The following GSDME variants were observed in gnomAD, a reference collection of about 807,000 sequenced individuals.
GSDME encodes gasdermin-E.
A neutral mutation model predicts 47.5 loss-of-function variants in GSDME; 44 were observed. That is an observed-to-expected ratio of 0.93 (90% confidence interval 0.73 to 1.19). The LOEUF (loss-of-function observed/expected upper bound fraction) is 1.19. GSDME is among the 50% of genes most tolerant of loss of function. GSDME has a pLI of 0.00. For missense variants in GSDME, 663 were observed against 604.2 expected, an observed-to-expected ratio of 1.10 and a Z score of -1.02; for synonymous variants, 258 against 252.8, an observed-to-expected ratio of 1.02 and a Z score of -0.20.
rs368383462 is a variant in GSDME, at chr7:24,736,242, A to C, written c.404+8320T>G. ...TACACTGGCTAAATGGATTAAAAAC[A>C]ACAAAAAAAGACCAAATGATCTGTT... On this transcript the variant is annotated intron_variant, in intron 3 of 9. Coordinates refer to ENST00000645220, the MANE Select transcript of GSDME (RefSeq NM_001127453.2). This position sits in a 1 kb window ranked among gnomAD's most constrained non-coding sequence, Gnocchi z 4.6. Among the ~76,000 whole-genome samples the C allele has an allele frequency of 1.3e-5, 2 of 152,180 alleles. No individual in the cohort carries two copies. Among genetic ancestry groups the C allele is most frequent in the Non-Finnish European group, 2.9e-5 (2 of 68,034 alleles).
chr7:24,733,439 A>AG lies in GSDME; in HGVS notation c.404+11122dup, dbSNP rs1359016666. On this transcript the variant is annotated intron_variant, in intron 3 of 9. Coordinates refer to ENST00000645220, the MANE Select transcript of GSDME (RefSeq NM_001127453.2). This position sits in a 1 kb window ranked among gnomAD's most constrained non-coding sequence, Gnocchi z 4.3. ...GACTTTGTCTTGCAGCTTGGGTACC[A>AG]GCTAAGCACAGTGGGGTAGAGCACC... Among the ~76,000 whole-genome samples the AG allele has an allele frequency of 2.6e-5, 4 of 152,182 alleles. No homozygotes were observed. The highest frequency in any genetic ancestry group is 4.4e-5 in the Non-Finnish European group (3 of 68,026).
Position 24,735,489 on chromosome 7 carries a change from G to A in GSDME, c.404+9073C>T, listed in dbSNP as rs972771800. 9.9e-5 allele frequency among the ~76,000 whole-genome samples: 15 copies of A among 152,164 alleles called. No individual in the cohort carries two copies. The highest frequency in any genetic ancestry group is 2.2e-4 in the Non-Finnish European group (15 of 68,034). On this transcript the variant is annotated intron_variant, in intron 3 of 9. Coordinates refer to ENST00000645220, the MANE Select transcript of GSDME (RefSeq NM_001127453.2). This position sits in a 1 kb window ranked among gnomAD's most constrained non-coding sequence, Gnocchi z 4.4. ...AGTAACTACAGGGCCGGGCACAGTG[G>A]CTCACGCCTGTAATCCCAGCAGTTT...
chr7:24,754,867 C>G lies in GSDME; in HGVS notation c.-20+2529G>C, dbSNP rs1280219100. Among the ~76,000 whole-genome samples, 2 of 152,188 alleles carry G rather than the reference C, an allele frequency of 1.3e-5. No homozygotes were observed. Among genetic ancestry groups the G allele is most frequent in the African/African-American group, 4.8e-5 (2 of 41,430 alleles). ...TTCAGGATTCTTCTTAAAAGCAGCT[C>G]TGGTTGAACCCTGGGCCTCTGCCTG... On this transcript the variant is annotated intron_variant, in intron 1 of 9. Transcript: ENST00000645220. This position sits in a 1 kb window ranked among gnomAD's most constrained non-coding sequence, Gnocchi z 5.0.
the GSDME span, among the ~76,000 whole-genome samples, chr7:24,774,552 A>G: frequency 6.6e-6 from 1 of 151,948 alleles, no homozygotes; most frequent in South Asian, 2.1e-4. Context: ...TATTTATTTA[A>G]GATGGAGTCT....
intron 2 of GSDME, among the ~76,000 whole-genome samples, chr7:24,748,098 CTTAATG>C (rs1247475972): frequency 2.0e-5 from 3 of 148,652 alleles, no homozygotes; most frequent in African/African-American, 4.9e-5. Flanking sequence ...TTTATTTAAA[CTTAATG>C]TTAAGTAAAA....
the GSDME span, among the ~76,000 whole-genome samples, chr7:24,773,642 C>A: frequency 6.6e-6 from 1 of 152,168 alleles, no homozygotes; most frequent in African/African-American, 2.4e-5. This position sits in a 1 kb window ranked among gnomAD's most constrained non-coding sequence, Gnocchi z 5.4. Flanking sequence ...TCCCTCTCTC[C>A]CCCACCTTTC....
At chr7:24,755,184 A>G (rs1299565837) in intron 1 of GSDME, among the ~76,000 whole-genome samples, 1 of 152,250 alleles carries the variant, frequency 6.6e-6, no homozygotes, top group Non-Finnish European at 1.5e-5. Context: ...CAGAGCATCA[A>G]CATCAGGCAA....
the GSDME span, among the ~76,000 whole-genome samples, chr7:24,793,870 T>A: frequency 6.6e-6 from 1 of 152,178 alleles, no homozygotes; most frequent in African/African-American, 2.4e-5. Flanking sequence ...TTTTTCTACT[T>A]TTTTTCTGTT....
Position 24,739,943 on chromosome 7 carries a change from A to T in GSDME, c.404+4619T>A, listed in dbSNP as rs574274920. 6.6e-6 allele frequency among the ~76,000 whole-genome samples: 1 copy of T among 152,076 alleles called. No homozygotes were observed. Among genetic ancestry groups the T allele is most frequent in the Non-Finnish European group, 1.5e-5 (1 of 68,000 alleles). ...CCCCATCTCTACTAAAAATACAAAAATTAGCCAGGTTTGGTGATGGGTGCC... is the reference window on the plus strand; with the variant it reads ...CCCCATCTCTACTAAAAATACAAAATTTAGCCAGGTTTGGTGATGGGTGCC... On this transcript the variant is annotated intron_variant, in intron 3 of 9. Coordinates refer to ENST00000645220, the MANE Select transcript of GSDME (RefSeq NM_001127453.2). The surrounding 1 kb of genome is among the most constrained non-coding windows in gnomAD (Gnocchi z 5.1).
Position 24,736,632 on chromosome 7 carries a change from C to A in GSDME, c.404+7930G>T, listed in dbSNP as rs941789234. 1.3e-5 allele frequency among the ~76,000 whole-genome samples: 2 copies of A among 152,050 alleles called. No homozygotes were observed. Among genetic ancestry groups the A allele is most frequent in the Non-Finnish European group, 2.9e-5 (2 of 67,932 alleles). ...GATCATCCAGACAGAAAATCAACAT[C>A]AGACTTAATCTGCACTACAGACCAA... On this transcript the variant is annotated intron_variant, in intron 3 of 9. Coordinates refer to ENST00000645220, the MANE Select transcript of GSDME (RefSeq NM_001127453.2). The surrounding 1 kb of genome is among the most constrained non-coding windows in gnomAD (Gnocchi z 4.6).
At chr7:24,741,047 G>C (rs924661824) in intron 3 of GSDME, among the ~76,000 whole-genome samples, 6 of 152,154 alleles carry the variant, frequency 3.9e-5, no homozygotes, top group African/African-American at 1.4e-4. Flanking sequence ...TCAGCCAGGA[G>C]AAAGCCTTCA....
chr7:24,700,620 C>T (rs1159498288), intron 9 of GSDME, among the ~76,000 whole-genome samples: 2 of 152,176 alleles, frequency 1.3e-5, no homozygotes, highest in African/African-American at 4.8e-5. Context: ...TGTAAAAGTA[C>T]TTGTGGGTTT....
chr7:24,767,698 T>C, the GSDME span, among the ~76,000 whole-genome samples: 3 of 151,970 alleles, frequency 2.0e-5, no homozygotes, highest in Admixed American at 6.6e-5. The surrounding 1 kb of genome is among the most constrained non-coding windows in gnomAD (Gnocchi z 5.3). Flanking sequence ...GGCTAAGAAA[T>C]CTGGGATAAA....
At chr7:24,761,181 G>A (rs898772872), upstream of GSDME, among the ~76,000 whole-genome samples, 1 of 152,208 alleles carries the variant, frequency 6.6e-6, no homozygotes, top group African/African-American at 2.4e-5. This position sits in a 1 kb window ranked among gnomAD's most constrained non-coding sequence, Gnocchi z 4.4. Context: ...TGCACTGACT[G>A]GGGTCACTCA....
chr7:24,764,648 A>G, the GSDME span, among the ~76,000 whole-genome samples: 1 of 152,200 alleles, frequency 6.6e-6, no homozygotes, highest in African/African-American at 2.4e-5. The surrounding 1 kb of genome is among the most constrained non-coding windows in gnomAD (Gnocchi z 4.4). Context: ...CAACTAAGAC[A>G]TGGCTGTTTG....
chr7:24,698,385 C>A lies in GSDME; in HGVS notation c.*641G>T. On this transcript the variant is annotated 3_prime_UTR_variant, in exon 10 of 10. Coordinates refer to ENST00000645220, the MANE Select transcript of GSDME (RefSeq NM_001127453.2). ...TTCAAAGTTTCCTTTAATAGAATACCCAGAATACATAGGAAATCAACATGT... is the reference window on the plus strand; with the variant it reads ...TTCAAAGTTTCCTTTAATAGAATACACAGAATACATAGGAAATCAACATGT... The A allele has an allele frequency of 6.5e-6, 1 of 154,336 alleles. No homozygotes were observed. Among genetic ancestry groups the A allele is most frequent in the Admixed American group, 6.4e-5 (1 of 15,702 alleles). The allele number at this position is 154,336 out of a possible 1,614,324, so 9.6% of individuals were successfully genotyped here. A position where few individuals can be genotyped will look rare whatever the true frequency, so the allele number is the denominator to read the frequency against.
At chr7:24,713,250 G>C (rs780168035) in intron 5 of GSDME, among the ~76,000 whole-genome samples, 1 of 152,052 alleles carries the variant, frequency 6.6e-6, no homozygotes, top group Non-Finnish European at 1.5e-5. Flanking sequence ...GTCCTGTGTC[G>C]GGAGACACGG....
chr7:24,755,059 A>G (rs1790972109), intron 1 of GSDME, among the ~76,000 whole-genome samples: 1 of 152,216 alleles, frequency 6.6e-6, no homozygotes, highest in African/African-American at 2.4e-5. Flanking sequence ...GAGGAAGCTG[A>G]GGTTCAAAGA....
chr7:24,715,618 A>C (rs916949875), intron 5 of GSDME: 1 of 363,328 alleles, frequency 2.8e-6, no homozygotes, highest in Non-Finnish European at 5.7e-6. Context: ...TACCACATAC[A>C]GATAACAGAG....
Sources: allele counts gnomAD v4.1 joint callset (sites outside exome capture counted in the v4.1 genomes callset), GRCh38; gene constraint gnomAD v4.1.1; non-coding constraint Gnocchi (gnomAD v3.1); transcripts MANE v1.5; gene names NCBI Gene and HGNC (gene_info 2026-07-23, HGNC 2026-07-21).